MECOM: variants seen among roughly 807,000 people sequenced by gnomAD.
The protein encoded by MECOM is histone-lysine N-methyltransferase MECOM.
Under a neutral mutation model 116.3 loss-of-function variants are expected in MECOM, and 13 were observed. That is an observed-to-expected ratio of 0.11 (90% CI 0.07 to 0.18). The LOEUF is 0.18. MECOM is among the 10% of genes least tolerant of loss of function. The pLI, the probability that MECOM is intolerant of heterozygous loss-of-function variation, is 1.00. For synonymous variants in MECOM, 528 were observed against 535.2 expected (o/e 0.99, Z 0.19); for missense variants, 1,299 against 1,509.0 (o/e 0.86, Z 2.31).
chr3:169,423,338 T>C (rs984884201), intron 1 of MECOM, among the ~76,000 whole-genome samples: 2 of 146,166 alleles, frequency 1.4e-5, no homozygotes, highest in African/African-American at 2.5e-5. Context: ...CCTCTCTTGG[T>C]TTCAAGGAAG....
At chr3:169,476,409 T>G (rs1258994741) in intron 1 of MECOM, among the ~76,000 whole-genome samples, 1 of 152,200 alleles carries the variant, frequency 6.6e-6, no homozygotes, top group Non-Finnish European at 1.5e-5. Flanking sequence ...GTTAGCCCAT[T>G]ACATTTTATT....
chr3:169,285,488 G>A (rs933826797), intron 2 of MECOM, among the ~76,000 whole-genome samples: 2 of 152,156 alleles, frequency 1.3e-5, no homozygotes, highest in African/African-American at 4.8e-5. Flanking sequence ...CAAACAAATG[G>A]TCAGCTGAAT....
intron 1 of MECOM, among the ~76,000 whole-genome samples, chr3:169,445,802 GA>G (rs1298477243): frequency 2.0e-5 from 3 of 152,216 alleles, no homozygotes; most frequent in African/African-American, 7.2e-5. Flanking sequence ...AGCTGCCCAA[GA>G]CCATGGGAAC....
chr3:169,124,160 A>G (rs929601858), intron 5 of MECOM, among the ~76,000 whole-genome samples: 1 of 152,280 alleles, frequency 6.6e-6, no homozygotes, highest in Non-Finnish European at 1.5e-5. Context: ...AAATGGCACC[A>G]TCAATGAAAT....
intron 1 of MECOM, among the ~76,000 whole-genome samples, chr3:169,511,766 C>A (rs1452929262): frequency 1.3e-5 from 2 of 150,328 alleles, no homozygotes; most frequent in Admixed American, 1.3e-4. Context: ...TAGACTCTGT[C>A]TTAAAAAAAA....
At chr3:169,535,395 GA>G (rs1017027767) in intron 1 of MECOM, among the ~76,000 whole-genome samples, 6 of 151,798 alleles carry the variant, frequency 4.0e-5, no homozygotes, top group Non-Finnish European at 2.9e-5. Flanking sequence ...TAGATACATA[GA>G]AAAAAAATCC....
chr3:169,432,757 A>G (rs1248351354), intron 1 of MECOM, among the ~76,000 whole-genome samples: 3 of 152,222 alleles, frequency 2.0e-5, no homozygotes, highest in Non-Finnish European at 2.9e-5. Flanking sequence ...CAGTGCTTAA[A>G]GATATGCAGC....
At chr3:169,239,814 A>C (rs1439087503) in intron 2 of MECOM, among the ~76,000 whole-genome samples, 1 of 152,164 alleles carries the variant, frequency 6.6e-6, no homozygotes, top group African/African-American at 2.4e-5. Context: ...CAATATGGAA[A>C]CTTTGAGGCG....
chr3:169,090,265 A>G, intron 14 of MECOM, 29 bp from the exon 15 acceptor site: 1 of 1,566,236 alleles, frequency 6.4e-7, no homozygotes, highest in South Asian at 1.2e-5. Context: ...AAAAAGTCCA[A>G]TTGTTGGTTT....
chr3:169,400,439 G>A (rs148100312), intron 1 of MECOM, among the ~76,000 whole-genome samples: 1 of 152,336 alleles, frequency 6.6e-6, no homozygotes, highest in African/African-American at 2.4e-5. Flanking sequence ...TGCTGTGAGA[G>A]CTGCCCTTTG....
chr3:169,296,570 A>T (rs763884415), intron 2 of MECOM, among the ~76,000 whole-genome samples: 2 of 152,204 alleles, frequency 1.3e-5, no homozygotes, highest in Non-Finnish European at 2.9e-5. Context: ...CAGAGTTTTC[A>T]ACTGAAATCC....
chr3:169,233,789 A>G (rs1430113171), intron 2 of MECOM, among the ~76,000 whole-genome samples: 7 of 152,292 alleles, frequency 4.6e-5, no homozygotes, highest in Admixed American at 2.6e-4. Context: ...ATACTACAGT[A>G]CTTTCCATTG....
intron 2 of MECOM, among the ~76,000 whole-genome samples, chr3:169,157,630 T>C (rs1286883498): frequency 4.6e-5 from 7 of 152,216 alleles, no homozygotes; most frequent in African/African-American, 1.7e-4. Flanking sequence ...TTTCTGTAAA[T>C]GTTGTTGAGT....
At chr3:169,657,181 CA>C (rs1245899957) in intron 1 of MECOM, among the ~76,000 whole-genome samples, 2 of 152,188 alleles carry the variant, frequency 1.3e-5, no homozygotes, top group Non-Finnish European at 2.9e-5. Context: ...ACAAAATTAA[CA>C]AATATCTAAA....
chr3:169,343,187 T>A (rs970326856), intron 2 of MECOM, among the ~76,000 whole-genome samples: 1 of 152,196 alleles, frequency 6.6e-6, no homozygotes, highest in Non-Finnish European at 1.5e-5. Flanking sequence ...TTTTGGCTGA[T>A]GACAATGCGT....
At chr3:169,478,883 C>G (rs1346439419) in intron 1 of MECOM, among the ~76,000 whole-genome samples, 1 of 152,162 alleles carries the variant, frequency 6.6e-6, no homozygotes, top group Admixed American at 6.5e-5. Flanking sequence ...ACAGAGCCAG[C>G]AGTTATTGAT....
At chr3:169,558,995 CCT>C (rs1278193749) in intron 1 of MECOM, among the ~76,000 whole-genome samples, 9 of 151,730 alleles carry the variant, frequency 5.9e-5, no homozygotes, top group Admixed American at 5.9e-4. Flanking sequence ...ATTCTACAAT[CCT>C]CTGTCTTCTC....
chr3:169,359,448 G>A (rs1280005378), intron 2 of MECOM, among the ~76,000 whole-genome samples: 1 of 151,728 alleles, frequency 6.6e-6, no homozygotes, highest in Non-Finnish European at 1.5e-5. Context: ...AGCCCACCAA[G>A]TGACATCATA....
chr3:169,530,898 C>CAAAA lies in MECOM; in HGVS notation c.37+132434_37+132437dup, dbSNP rs11425768. ...ATTTATTGAAAATTCAGATAAGCAG[C>CAAAA]AAAAAAAAAAAATGATTTCAAATAG... is the stretch of plus-strand genomic sequence containing the variant. On this transcript the variant is annotated intron_variant, in intron 1 of 16. Coordinates refer to ENST00000651503, the MANE Select transcript of MECOM (RefSeq NM_004991.4). Among the ~76,000 whole-genome samples, 19 of 142,330 alleles carry CAAAA rather than the reference C, an allele frequency of 1.3e-4. No individual in the cohort carries two copies. The East Asian group carries it at 1.8e-3, about 14-fold the overall frequency. The allele number at this position is 142,330 out of a possible 152,430, so 93.4% of individuals were successfully genotyped here.
Sources: gnomAD v4.1 joint callset for allele counts (sites outside exome capture counted in the v4.1 genomes callset) on GRCh38, gnomAD v4.1.1 for gene constraint, MANE v1.5 for transcripts, NCBI Gene and HGNC (gene_info 2026-07-23, HGNC 2026-07-21) for gene names.